XKR4: variants seen among roughly 807,000 people sequenced by gnomAD.
XKR4 encodes XK-related protein 4.
XKR4 carries 12 observed loss-of-function variants against 53.9 expected under a neutral mutation model. The observed-to-expected ratio is 0.22, with a 90% CI of 0.14 to 0.36. XKR4 has a LOEUF of 0.36. Among genes scored for constraint, XKR4 ranks in the 10% least tolerant of loss-of-function variants. XKR4 has a pLI of 1.00. For synonymous variants in XKR4, 354 were observed against 362.4 expected (o/e 0.98, Z 0.26); for missense variants, 799 against 859.5 (o/e 0.93, Z 0.88).
intron 2 of XKR4, among the ~76,000 whole-genome samples, chr8:55,404,744 C>T (rs895811891): frequency 1.3e-5 from 2 of 152,176 alleles, no homozygotes; most frequent in Non-Finnish European, 2.9e-5. Context: ...TGCTGCTTGT[C>T]TTGCTGGCTG....
intron 2 of XKR4, among the ~76,000 whole-genome samples, chr8:55,466,431 A>G (rs1187532574): frequency 6.6e-6 from 1 of 152,046 alleles, no homozygotes; most frequent in Non-Finnish European, 1.5e-5. Flanking sequence ...TGGGAATTGA[A>G]CAATGAGAAC....
intron 2 of XKR4, among the ~76,000 whole-genome samples, chr8:55,372,836 CT>C (rs950812957): frequency 1.3e-5 from 2 of 152,090 alleles, no homozygotes; most frequent in African/African-American, 2.4e-5. Flanking sequence ...TTTAAAACAG[CT>C]TTTTTCCCCC....
At chr8:55,324,243 A>G (rs1401379345) in intron 1 of XKR4, among the ~76,000 whole-genome samples, 1 of 152,064 alleles carries the variant, frequency 6.6e-6, no homozygotes, top group Non-Finnish European at 1.5e-5. Flanking sequence ...CTACAGGGGC[A>G]AGCCATCATG....
chr8:55,457,229 G>T lies in XKR4; in HGVS notation c.1007-66052G>T, dbSNP rs997205209. On this transcript the variant is annotated intron_variant, in intron 2 of 2. Coordinates refer to ENST00000327381, the MANE Select transcript of XKR4 (RefSeq NM_052898.2). ...ACGATCTCTGCTCATTGCAAGTTCT[G>T]CCTCGCAGGTTCACGCCATTCTCCT... Among the ~76,000 whole-genome samples the T allele has an allele frequency of 2.8e-5, 4 of 143,582 alleles. No homozygotes were observed. In the Admixed American group the frequency reaches 3.1e-4, roughly 11 times the overall value. The allele number at this position is 143,582 out of a possible 152,430, so 94.2% of individuals were successfully genotyped here.
intron 2 of XKR4, among the ~76,000 whole-genome samples, chr8:55,410,089 T>TAA (rs61035942): frequency 7.0e-6 from 1 of 143,050 alleles, no homozygotes; most frequent in African/African-American, 2.5e-5. Context: ...CATTTGCCTT[T>TAA]AAAAAAAAAA....
chr8:55,322,398 C>T (rs1259674881), intron 1 of XKR4, among the ~76,000 whole-genome samples: 4 of 152,046 alleles, frequency 2.6e-5, no homozygotes, highest in South Asian at 2.1e-4. Flanking sequence ...GAAAATTTTC[C>T]TGTTTCAAGT....
chr8:55,299,977 G>A (rs1321725419), intron 1 of XKR4, among the ~76,000 whole-genome samples: 5 of 152,146 alleles, frequency 3.3e-5, no homozygotes, highest in Admixed American at 6.6e-5. Context: ...CCCAGGAGAG[G>A]GAGGCCTTCT....
intron 2 of XKR4, among the ~76,000 whole-genome samples, chr8:55,363,187 T>C (rs370803696): frequency 6.6e-6 from 1 of 152,286 alleles, no homozygotes; most frequent in South Asian, 2.1e-4. Flanking sequence ...ACACCCTAAG[T>C]GTATTTAGCT....
intron 1 of XKR4, among the ~76,000 whole-genome samples, chr8:55,309,632 C>G (rs937157729): frequency 1.3e-5 from 2 of 152,132 alleles, no homozygotes; most frequent in African/African-American, 4.8e-5. Flanking sequence ...TGTCAATACT[C>G]TAGTTGAGAT....
rs1807013308 is a variant in XKR4, at chr8:55,535,194, T to C, written c.*10967T>C. On this transcript the variant is annotated 3_prime_UTR_variant, in exon 3 of 3. Transcript: ENST00000327381. The stretch of plus-strand genomic sequence containing the variant: ...AATAAAATGGGGACAAAAAGTGGTC[T>C]ACCACCATGTGACTTATTTTCTTTT... 1 of 149,448 alleles carries C rather than the reference T, an allele frequency of 6.7e-6. No homozygotes were observed. Among genetic ancestry groups the C allele is most frequent in the Non-Finnish European group, 1.5e-5 (1 of 67,536 alleles). 9.3% of individuals were successfully genotyped at this position (149,448 alleles called of 1,614,324 possible).
At chr8:55,310,378 C>T (rs1819371635) in intron 1 of XKR4, among the ~76,000 whole-genome samples, 3 of 152,148 alleles carry the variant, frequency 2.0e-5, no homozygotes, top group Admixed American at 2.0e-4. Flanking sequence ...AAAAATAATA[C>T]TTCCTATTTT....
At chr8:55,261,887 TAAA>T (rs879520449) in intron 1 of XKR4, among the ~76,000 whole-genome samples, 5 of 148,754 alleles carry the variant, frequency 3.4e-5, no homozygotes, top group South Asian at 2.1e-4. Context: ...CTTTTTTTTT[TAAA>T]AAAAAGTATA....
intron 1 of XKR4, among the ~76,000 whole-genome samples, chr8:55,333,560 A>G (rs1803409563): frequency 6.6e-6 from 1 of 152,018 alleles, no homozygotes; most frequent in Non-Finnish European, 1.5e-5. Context: ...TAGCTGTTCT[A>G]TTGTATTTCT....
intron 1 of XKR4, among the ~76,000 whole-genome samples, chr8:55,226,390 G>A (rs1019501395): frequency 3.9e-5 from 6 of 152,202 alleles, no homozygotes; most frequent in African/African-American, 1.4e-4. Flanking sequence ...TGCTATGCGT[G>A]AAGTTAAAGG....
intron 1 of XKR4, among the ~76,000 whole-genome samples, chr8:55,326,236 TG>T (rs1462714516): frequency 6.6e-6 from 1 of 152,202 alleles, no homozygotes; most frequent in Non-Finnish European, 1.5e-5. Context: ...GTGGGGATGT[TG>T]GCGATTGTAA....
intron 2 of XKR4, among the ~76,000 whole-genome samples, chr8:55,503,202 G>A (rs1468858554): frequency 6.6e-6 from 1 of 151,942 alleles, no homozygotes; most frequent in African/African-American, 2.4e-5. Context: ...CGAATTTTAG[G>A]ATGGATTTTT....
At chr8:55,410,527 C>T (rs909769595) in intron 2 of XKR4, among the ~76,000 whole-genome samples, 2 of 152,236 alleles carry the variant, frequency 1.3e-5, no homozygotes, top group Admixed American at 6.5e-5. Context: ...CTCCACCAGC[C>T]TCTCAGACAC....
At position 55,533,353 on chromosome 8, in the gene XKR4, G is replaced by A. The variant is rs576136197; in HGVS notation, c.*9126G>A. On this transcript the variant is annotated 3_prime_UTR_variant, in exon 3 of 3. Transcript: ENST00000327381. ...CCAAAAAAAGGAGACCTGTCAGCTA[G>A]TGAAAGAATTGTCATTTTATATCAT... 1 of 152,328 alleles carries A rather than the reference G, an allele frequency of 6.6e-6. No individual in the cohort carries two copies. Among genetic ancestry groups the A allele is most frequent in the African/African-American group, 2.4e-5 (1 of 41,566 alleles). The allele number at this position is 152,328 out of a possible 1,614,324, so 9.4% of individuals were successfully genotyped here. A position where few individuals can be genotyped will look rare whatever the true frequency, so the allele number is the denominator to read the frequency against.
At chr8:55,303,656 T>C (rs1052667462) in intron 1 of XKR4, among the ~76,000 whole-genome samples, 13 of 152,214 alleles carry the variant, frequency 8.5e-5, no homozygotes, top group African/African-American at 3.1e-4. Flanking sequence ...AAGCTATTGA[T>C]TATTGCCACA....
Sources: gnomAD v4.1 joint callset for allele counts (sites outside exome capture counted in the v4.1 genomes callset) on GRCh38, gnomAD v4.1.1 for gene constraint, MANE v1.5 for transcripts, NCBI Gene and HGNC (gene_info 2026-07-23, HGNC 2026-07-21) for gene names.